POLA1: variants seen among roughly 807,000 people sequenced by gnomAD.
The protein encoded by POLA1 is DNA polymerase alpha 1, catalytic subunit.
In POLA1, 15 loss-of-function variants were observed where a neutral mutation model predicts 124.0. The ratio of observed to expected loss-of-function variants is 0.12; its 90% CI spans 0.08 to 0.19. The LOEUF (loss-of-function observed/expected upper bound fraction) is 0.19. POLA1 is among the 10% of genes least tolerant of loss of function. The pLI, the probability that POLA1 is intolerant of heterozygous loss-of-function variation, is 1.00. For missense variants in POLA1, 886 were observed against 1,103.4 expected, an observed-to-expected ratio of 0.80 and a Z score of 2.79; for synonymous variants, 408 against 389.4, an observed-to-expected ratio of 1.05 and a Z score of -0.56.
intron 35 of POLA1, among the ~76,000 whole-genome samples, chrX:24,901,251 G>A (rs1029893433): frequency 8.1e-5 from 9 of 111,540 alleles, no homozygotes; most frequent in South Asian, 3.8e-4. Flanking sequence ...GGGTATCTAG[G>A]GAAGTTCTCC....
intron 7 of POLA1, 41 bp downstream of exon 7, chrX:24,716,495 T>A: frequency 1.3e-6 from 1 of 743,071 alleles, no homozygotes; most frequent in Non-Finnish European, 2.1e-6. Flanking sequence ...ATTTATAGTA[T>A]TGCTTTAAAC....
intron 34 of POLA1, among the ~76,000 whole-genome samples, chrX:24,859,445 A>G (rs187028720): frequency 4.5e-5 from 5 of 111,764 alleles, no homozygotes; most frequent in African/African-American, 1.6e-4. Context: ...TCTGCGTAGT[A>G]CCATAGCCCA....
chrX:24,800,359 T>G (rs762317881), intron 26 of POLA1, among the ~76,000 whole-genome samples: 1 of 112,208 alleles, frequency 8.9e-6, no homozygotes, highest in Admixed American at 9.4e-5. Context: ...TTGCTGACAG[T>G]TTCAGGGGAT....
At chrX:24,720,388 A>G (rs1930132412) in intron 10 of POLA1, among the ~76,000 whole-genome samples, 1 of 112,140 alleles carries the variant, frequency 8.9e-6, no homozygotes, top group Admixed American at 9.5e-5. Context: ...TTTTATTTCC[A>G]GCATCCAGCA....
chrX:24,864,408 A>G (rs1405700150), intron 34 of POLA1, among the ~76,000 whole-genome samples: 1 of 111,671 alleles, frequency 9.0e-6, no homozygotes, highest in Non-Finnish European at 1.9e-5. Context: ...TTTGTATACC[A>G]CTCTAGAATA....
intron 32 of POLA1, among the ~76,000 whole-genome samples, chrX:24,836,913 C>T (rs2046348494): frequency 9.0e-6 from 1 of 111,673 alleles, no homozygotes; most frequent in South Asian, 3.7e-4. Flanking sequence ...ATCTTATACA[C>T]GTAGCCTGAA....
chrX:24,886,431 A>G (rs945880111), intron 34 of POLA1, among the ~76,000 whole-genome samples: 3 of 112,215 alleles, frequency 2.7e-5, no homozygotes, highest in African/African-American at 9.7e-5. Flanking sequence ...TGAATTTTAC[A>G]TTCTTTAAAG....
At chrX:24,721,253 C>G (rs1253576313) in intron 10 of POLA1, among the ~76,000 whole-genome samples, 1 of 112,481 alleles carries the variant, frequency 8.9e-6, no homozygotes, top group African/African-American at 3.2e-5. Flanking sequence ...TAGTTATGCA[C>G]TTAAGAAACT....
At chrX:24,726,639 T>C (rs1930554118) in intron 13 of POLA1, among the ~76,000 whole-genome samples, 1 of 112,530 alleles carries the variant, frequency 8.9e-6, no homozygotes, top group Non-Finnish European at 1.9e-5. Context: ...GGCTATTCTT[T>C]ATCAGTAAAG....
At chrX:24,721,580 AGTT>A (rs201884344) in intron 10 of POLA1, among the ~76,000 whole-genome samples, 1,887 of 112,356 alleles carry the variant, frequency 0.017, 24 homozygotes, top group Admixed American at 0.062. Context: ...TAAGTAAGTC[AGTT>A]GTTGCTGAAT....
At chrX:24,712,360 A>G (rs1163042295) in intron 4 of POLA1, among the ~76,000 whole-genome samples, 1 of 112,190 alleles carries the variant, frequency 8.9e-6, no homozygotes, top group East Asian at 2.8e-4. Context: ...TGTTGGGATT[A>G]CAGATGTGAG....
intron 10 of POLA1, among the ~76,000 whole-genome samples, chrX:24,719,461 C>A (rs1930061373): frequency 1.8e-5 from 2 of 111,279 alleles, no homozygotes; most frequent in East Asian, 2.8e-4. Context: ...TTTGATTATA[C>A]CCCCTCACCT....
At chrX:24,852,669 T>C (rs774440906) in intron 34 of POLA1, among the ~76,000 whole-genome samples, 1 of 112,216 alleles carries the variant, frequency 8.9e-6, no homozygotes, top group African/African-American at 3.2e-5. Context: ...AAAACTCATC[T>C]GACTCTTGAC....
intron 26 of POLA1, among the ~76,000 whole-genome samples, chrX:24,780,347 G>T (rs936140841): frequency 9.8e-5 from 11 of 112,556 alleles, no homozygotes; most frequent in African/African-American, 3.2e-4. Context: ...GAAGTGGTGA[G>T]ATCAAAAATA....
intron 34 of POLA1, among the ~76,000 whole-genome samples, chrX:24,855,968 C>T (rs748284347): frequency 1.8e-5 from 2 of 112,226 alleles, no homozygotes; most frequent in Admixed American, 9.4e-5. Context: ...CTATCGCTTT[C>T]TAGAAATTAA....
intron 35 of POLA1, among the ~76,000 whole-genome samples, chrX:24,923,495 A>C (rs2047646745): frequency 8.9e-6 from 1 of 111,831 alleles, no homozygotes; most frequent in African/African-American, 3.3e-5. Context: ...CTTCATCTTT[A>C]CAAAAAAAGG....
At chrX:24,972,204 CAG>C (rs1485707728) in intron 36 of POLA1, among the ~76,000 whole-genome samples, 1 of 111,743 alleles carries the variant, frequency 8.9e-6, no homozygotes, top group Admixed American at 9.5e-5. Context: ...CTCCTGACCT[CAG>C]GTGATCCACC....
intron 26 of POLA1, among the ~76,000 whole-genome samples, chrX:24,801,920 GGTGGGTGTGTGTGTGTGTGTGT>G (rs2045712848): frequency 4.2e-5 from 2 of 47,512 alleles, no homozygotes; most frequent in African/African-American, 2.2e-4. Flanking sequence ...AGGAGAGGTG[GGTGGGTGTGTGTGTGTGTGTGT>G]GTGTGTGTGT....
intron 20 of POLA1, among the ~76,000 whole-genome samples, chrX:24,740,899 C>T (rs1387987219): frequency 9.0e-6 from 1 of 111,485 alleles, no homozygotes; most frequent in Non-Finnish European, 1.9e-5. Context: ...ATATAACATA[C>T]TATATACTTA....
Sources: gnomAD v4.1 joint callset for allele counts (sites outside exome capture counted in the v4.1 genomes callset) on GRCh38, gnomAD v4.1.1 for gene constraint, MANE v1.5 for transcripts, NCBI Gene and HGNC (gene_info 2026-07-23, HGNC 2026-07-21) for gene names.